The following NIPSNAP3B variants were observed in gnomAD, a reference collection of about 807,000 sequenced individuals.
The protein encoded by NIPSNAP3B is nipsnap homolog 3B, also known as protein NipSnap homolog 3B.
A neutral mutation model predicts 31.5 loss-of-function variants in NIPSNAP3B; 30 were observed. That is an observed-to-expected ratio of 0.95 (90% confidence interval 0.71 to 1.29). NIPSNAP3B has a LOEUF of 1.29. Among genes scored for constraint, NIPSNAP3B ranks in the 50% most tolerant of loss-of-function variants. The probability of loss-of-function intolerance (pLI) is 0.00; values close to 1 mark genes in which losing one functional copy is unlikely to be tolerated. For synonymous variants in NIPSNAP3B, 106 were observed against 107.9 expected, an observed-to-expected ratio of 0.98 and a Z score of 0.11; for missense variants, 269 against 300.7, an observed-to-expected ratio of 0.89 and a Z score of 0.78.
At position 104,773,020 on chromosome 9, in the gene NIPSNAP3B, G is replaced by C. The variant is rs753232095; in HGVS notation, c.691G>C (p.Val231Leu). ...AGTTCGGGAAAGTGTCAACTACCTA[G>C]TTTCTCAGCAGAATATGCTTCTGAT... ...AAVRESVNYL[V>L]SQQNMLLIPA... The change falls in exon 6 of 6, where the codon GTT (valine) becomes CTT (leucine). Residue 231 changes from valine to leucine, a missense_variant. By Grantham distance (32) the Val-to-Leu change is conservative. Coordinates refer to ENST00000374762, the MANE Select transcript of NIPSNAP3B (RefSeq NM_018376.4). The C allele has an allele frequency of 6.2e-7, 1 of 1,614,078 alleles. No homozygotes were observed. The highest frequency in any genetic ancestry group is 8.5e-7 in the Non-Finnish European group (1 of 1,179,952).
chr9:104,786,729 G>GT, the NIPSNAP3B span: 1 of 798,612 alleles, frequency 1.3e-6, no homozygotes. Flanking sequence ...TTGCATTTTT[G>GT]TAAGAATATG....
chr9:104,785,717 C>A, the NIPSNAP3B span: 6 of 1,590,406 alleles, frequency 3.8e-6, no homozygotes, highest in Non-Finnish European at 5.1e-6. Context: ...GGGAACCCAA[C>A]TTGTGCCATG....
downstream of NIPSNAP3B, chr9:104,781,584 T>C (rs545678117): frequency 1.3e-5 from 2 of 152,650 alleles, no homozygotes; most frequent in Non-Finnish European, 2.9e-5. Context: ...CAACATTTAA[T>C]AGTCACAAAG....
downstream of NIPSNAP3B, among the ~76,000 whole-genome samples, chr9:104,780,312 C>T (rs1828448490): frequency 6.6e-6 from 1 of 152,206 alleles, no homozygotes; most frequent in South Asian, 2.1e-4. Flanking sequence ...GCTCACGACA[C>T]TGTCACAGCC....
the NIPSNAP3B span, chr9:104,787,757 G>C: frequency 1.1e-6 from 1 of 892,586 alleles, no homozygotes; most frequent in Non-Finnish European, 1.3e-6. Context: ...CCACCCCAGT[G>C]TGTGCCAAGG....
At chr9:104,786,163 C>T in the NIPSNAP3B span, 71 of 765,538 alleles carry the variant, frequency 9.3e-5, 1 homozygote, top group African/African-American at 9.9e-4. Flanking sequence ...GACTTCAAAG[C>T]CCTCATTCTT....
At chr9:104,782,687 G>A (rs1181908035), downstream of NIPSNAP3B, 1 of 152,020 alleles carries the variant, frequency 6.6e-6, no homozygotes, top group African/African-American at 2.4e-5. Flanking sequence ...GATTTAATGG[G>A]GTATCCAATA....
the NIPSNAP3B span, among the ~76,000 whole-genome samples, chr9:104,787,434 G>A: frequency 6.6e-6 from 1 of 151,750 alleles, no homozygotes; most frequent in African/African-American, 2.4e-5. Flanking sequence ...AGACCGAGGT[G>A]GAATACATAA....
rs961597559 is a variant in NIPSNAP3B at position 104,776,481 on chromosome 9, G to A, written c.*3408G>A. On this transcript the variant is annotated 3_prime_UTR_variant, in exon 6 of 6. Transcript: ENST00000374762. Reference sequence around the variant, plus strand: ...GTTAGTTTTAGATGAGGTCATGTGGGTAATAGAATTAGTGCATTTATAAGG... The same window carrying A: ...GTTAGTTTTAGATGAGGTCATGTGGATAATAGAATTAGTGCATTTATAAGG... Among the ~76,000 whole-genome samples, 3 of 152,118 alleles carry A rather than the reference G, an allele frequency of 2.0e-5. No homozygotes were observed. Among genetic ancestry groups the A allele is most frequent in the Non-Finnish European group, 4.4e-5 (3 of 68,026 alleles).
At chr9:104,787,836 C>T in the NIPSNAP3B span, 2 of 1,613,294 alleles carry the variant, frequency 1.2e-6, no homozygotes, top group Admixed American at 3.3e-5. Flanking sequence ...AATCATACAA[C>T]AGCCCTGGAC....
At chr9:104,769,164 G>C in intron 3 of NIPSNAP3B, 143 bp downstream of exon 3, 1 of 591,806 alleles carries the variant, frequency 1.7e-6, no homozygotes, top group Non-Finnish European at 2.5e-6. Context: ...AGATAAAAAT[G>C]AATTAGAGAC....
chr9:104,785,426 GTCT>G, the NIPSNAP3B span: 1 of 1,614,078 alleles, frequency 6.2e-7, no homozygotes, highest in Non-Finnish European at 8.5e-7. Context: ...AAACAGAGTA[GTCT>G]TCTATGTGGA....
Position 104,776,847 on chromosome 9 carries a change from A to G in NIPSNAP3B, c.*3774A>G, listed in dbSNP as rs1056420245. Among the ~76,000 whole-genome samples, 3 of 152,192 alleles carry G rather than the reference A, an allele frequency of 2.0e-5. No homozygotes were observed. The highest frequency in any genetic ancestry group is 7.2e-5 in the African/African-American group (3 of 41,448). ...CTGTGCCTGGCATGTGATAAGCCCT[A>G]AGTACTTGTTGACTGAATTAACATA... On this transcript the variant is annotated 3_prime_UTR_variant, in exon 6 of 6. Coordinates refer to ENST00000374762, the MANE Select transcript of NIPSNAP3B (RefSeq NM_018376.4).
At chr9:104,771,732 G>A (rs1464805586) in intron 4 of NIPSNAP3B, among the ~76,000 whole-genome samples, 1 of 152,126 alleles carries the variant, frequency 6.6e-6, no homozygotes, top group East Asian at 1.9e-4. Context: ...ATATTTCTCT[G>A]GGTATATATC....
chr9:104,765,357 G>T (rs1487938956), intron 1 of NIPSNAP3B, among the ~76,000 whole-genome samples: 1 of 152,208 alleles, frequency 6.6e-6, no homozygotes, highest in Non-Finnish European at 1.5e-5. Flanking sequence ...ATGCCTAAAT[G>T]AATGGATTTG....
chr9:104,765,646 CAAT>C (rs1008208137), intron 1 of NIPSNAP3B, among the ~76,000 whole-genome samples: 1 of 152,140 alleles, frequency 6.6e-6, no homozygotes, highest in Non-Finnish European at 1.5e-5. Flanking sequence ...TAATTAGAAA[CAAT>C]GATGGAGACA....
At chr9:104,786,248 A>G in the NIPSNAP3B span, 1 of 1,420,946 alleles carries the variant, frequency 7.0e-7, no homozygotes, top group Non-Finnish European at 9.9e-7. Context: ...AAAAGAATAA[A>G]TATCAAGCCT....
At chr9:104,769,089 G>T in intron 3 of NIPSNAP3B, 68 bp downstream of exon 3, 4 of 1,171,340 alleles carry the variant, frequency 3.4e-6, no homozygotes, top group Non-Finnish European at 4.8e-6. Context: ...GTTATAAAGA[G>T]TAAAGTTCTA....
At chr9:104,790,173 T>C in the NIPSNAP3B span, among the ~76,000 whole-genome samples, 1 of 151,952 alleles carries the variant, frequency 6.6e-6, no homozygotes, top group Non-Finnish European at 1.5e-5. Context: ...CTATAAAATG[T>C]AGCTGTATTC....
Sources: gnomAD v4.1 joint callset for allele counts (sites outside exome capture counted in the v4.1 genomes callset) on GRCh38, gnomAD v4.1.1 for gene constraint, MANE v1.5 for transcripts, NCBI Gene and HGNC (gene_info 2026-07-23, HGNC 2026-07-21) for gene names.